SMYD3: variants seen among roughly 807,000 people sequenced by gnomAD.
The protein encoded by SMYD3 is SET and MYND domain containing 3, also known as histone-lysine N-methyltransferase SMYD3.
Under a neutral mutation model 57.7 loss-of-function variants are expected in SMYD3, and 36 were observed. The ratio of observed to expected loss-of-function variants is 0.62; its 90% CI spans 0.48 to 0.82. The LOEUF (loss-of-function observed/expected upper bound fraction) is 0.82. Among genes scored for constraint, SMYD3 ranks in the 40% least tolerant of loss-of-function variants. The probability of loss-of-function intolerance (pLI) is 0.00; values close to 1 mark genes in which losing one functional copy is unlikely to be tolerated. For synonymous variants in SMYD3, 211 were observed against 195.0 expected (o/e 1.08, Z -0.68); for missense variants, 515 against 538.8 (o/e 0.96, Z 0.44).
At chr1:245,785,659 G>C (rs577607381) in intron 10 of SMYD3, among the ~76,000 whole-genome samples, 1 of 152,124 alleles carries the variant, frequency 6.6e-6, no homozygotes, top group South Asian at 2.1e-4. Context: ...GAGAGAGAGA[G>C]AGTGCGTGAG....
At chr1:245,866,231 G>A (rs901614422) in intron 8 of SMYD3, among the ~76,000 whole-genome samples, 12 of 152,198 alleles carry the variant, frequency 7.9e-5, no homozygotes, top group African/African-American at 2.7e-4. Flanking sequence ...CTGAGGCTGG[G>A]GCAGTGGGTG....
chr1:246,333,601 G>A (rs12063975), intron 3 of SMYD3, among the ~76,000 whole-genome samples: 44 of 152,260 alleles, frequency 2.9e-4, no homozygotes, highest in African/African-American at 1.0e-3. Flanking sequence ...GGCCACCACA[G>A]TGGCTCGCAC....
chr1:245,891,955 A>T (rs1382546908), intron 8 of SMYD3, among the ~76,000 whole-genome samples: 1 of 152,140 alleles, frequency 6.6e-6, no homozygotes, highest in Non-Finnish European at 1.5e-5. Context: ...CTGACATGGG[A>T]GGATTGCCTG....
intron 5 of SMYD3, among the ~76,000 whole-genome samples, chr1:246,256,005 CATACATAG>C (rs1553320487): frequency 1.3e-5 from 2 of 151,528 alleles, no homozygotes; most frequent in Non-Finnish European, 2.9e-5. Flanking sequence ...CACATACATA[CATACATAG>C]ATACATAGAT....
At chr1:245,907,817 A>G (rs1267955273) in intron 8 of SMYD3, among the ~76,000 whole-genome samples, 1 of 152,218 alleles carries the variant, frequency 6.6e-6, no homozygotes, top group African/African-American at 2.4e-5. Context: ...TACAAAAAAA[A>G]TCACTTCAAT....
chr1:245,766,743 C>T (rs2046123969), intron 10 of SMYD3, among the ~76,000 whole-genome samples: 1 of 152,174 alleles, frequency 6.6e-6, no homozygotes, highest in Non-Finnish European at 1.5e-5. Flanking sequence ...CATCACTCCA[C>T]TAAGTAGATG....
Position 245,814,504 on chromosome 1 carries a change from T to G in SMYD3, c.1076+43992A>C, listed in dbSNP as rs1034853006. The stretch of plus-strand genomic sequence containing the variant: ...AGAATGCTACTGTTACACCACATAC[T>G]TGTTTTAAAGTCTTGCCCTTCTAGT... On this transcript the variant is annotated intron_variant, in intron 10 of 11. Transcript: ENST00000490107. 8.9e-6 allele frequency: 6 copies of G among 671,902 alleles called. No homozygotes were observed. The Admixed American group carries it at 3.8e-4, about 42-fold the overall frequency. 41.6% of individuals were successfully genotyped at this position (671,902 alleles called of 1,614,324 possible). A position where few individuals can be genotyped will look rare whatever the true frequency, so the allele number is the denominator to read the frequency against.
At chr1:246,403,915 C>A (rs1019113786) in intron 1 of SMYD3, among the ~76,000 whole-genome samples, 1 of 152,144 alleles carries the variant, frequency 6.6e-6, no homozygotes, top group Non-Finnish European at 1.5e-5. Context: ...GCATGTGAAA[C>A]GTCTCAGATA....
chr1:245,962,195 T>C (rs1304953781), intron 5 of SMYD3, among the ~76,000 whole-genome samples: 1 of 152,158 alleles, frequency 6.6e-6, no homozygotes, highest in Non-Finnish European at 1.5e-5. Flanking sequence ...ACCACCAACT[T>C]CATGGTGAAA....
intron 11 of SMYD3, among the ~76,000 whole-genome samples, chr1:245,763,233 A>G (rs1175363399): frequency 6.6e-6 from 1 of 152,184 alleles, no homozygotes; most frequent in Admixed American, 6.5e-5. Context: ...CTCAATAATG[A>G]ATACTTCCTA....
At chr1:245,955,620 T>C (rs191487339) in intron 5 of SMYD3, among the ~76,000 whole-genome samples, 6 of 152,318 alleles carry the variant, frequency 3.9e-5, no homozygotes, top group Non-Finnish European at 7.3e-5. Flanking sequence ...ATAATTGTTC[T>C]ATTTTAGTAT....
chr1:246,152,774 G>A (rs957944353), intron 5 of SMYD3, among the ~76,000 whole-genome samples: 2 of 152,188 alleles, frequency 1.3e-5, no homozygotes, highest in Non-Finnish European at 2.9e-5. Flanking sequence ...CAAAGACAGA[G>A]TCTCATCCTG....
chr1:246,461,733 CAAAA>C (rs34973427), intron 1 of SMYD3, among the ~76,000 whole-genome samples: 1 of 122,860 alleles, frequency 8.1e-6, no homozygotes, highest in Non-Finnish European at 1.6e-5. Flanking sequence ...GACTCTGTCT[CAAAA>C]AAAAAAAAAA....
At chr1:246,382,559 T>TA (rs1364817232) in intron 1 of SMYD3, among the ~76,000 whole-genome samples, 1 of 149,386 alleles carries the variant, frequency 6.7e-6, no homozygotes, top group Middle Eastern at 3.3e-3. Flanking sequence ...TCCCAGGCTC[T>TA]AGGCTGGTCC....
chr1:246,271,970 T>A (rs1398929811), intron 5 of SMYD3, among the ~76,000 whole-genome samples: 1 of 152,224 alleles, frequency 6.6e-6, no homozygotes, highest in Non-Finnish European at 1.5e-5. Flanking sequence ...TTTAATTTCT[T>A]TCAGCAATGT....
intron 5 of SMYD3, among the ~76,000 whole-genome samples, chr1:246,225,538 AGT>A (rs2063318745): frequency 6.6e-6 from 1 of 152,114 alleles, no homozygotes; most frequent in African/African-American, 2.4e-5. Flanking sequence ...GTTGTGCACA[AGT>A]GTGTGAGAGA....
At chr1:245,956,279 T>C (rs757144108) in intron 5 of SMYD3, among the ~76,000 whole-genome samples, 2 of 152,214 alleles carry the variant, frequency 1.3e-5, no homozygotes, top group African/African-American at 2.4e-5. Flanking sequence ...CTCTCTACAA[T>C]AAATGCTTTT....
At chr1:245,837,241 A>C (rs563978238) in intron 10 of SMYD3, among the ~76,000 whole-genome samples, 1 of 151,632 alleles carries the variant, frequency 6.6e-6, no homozygotes, top group East Asian at 1.9e-4. Flanking sequence ...CTGTCTCAAA[A>C]AAAAAAAAAA....
rs80000091 is a variant in SMYD3, at chr1:246,263,709, A to G, written c.531+63492T>C. ...TTTTGTACAATTCTATGTACCTTCA[A>G]CAAATTATGCCTTTTCATTTTCAAA... On this transcript the variant is annotated intron_variant, in intron 5 of 11. Transcript: ENST00000490107. Among the ~76,000 whole-genome samples the G allele has an allele frequency of 7.7e-4, 117 of 152,334 alleles. 2 individuals are homozygous for G. In the East Asian group the frequency reaches 0.021, roughly 27 times the overall value.
Sources: gnomAD v4.1 joint callset for allele counts (sites outside exome capture counted in the v4.1 genomes callset) on GRCh38, gnomAD v4.1.1 for gene constraint, MANE v1.5 for transcripts, NCBI Gene and HGNC (gene_info 2026-07-23, HGNC 2026-07-21) for gene names.